REPS2: variants seen among roughly 807,000 people sequenced by gnomAD.
REPS2 encodes ralBP1-associated Eps domain-containing protein 2.
In REPS2, 23 loss-of-function variants were observed where a neutral mutation model predicts 53.6. The ratio of observed to expected loss-of-function variants is 0.43; its 90% CI spans 0.31 to 0.61. The LOEUF is 0.61. Among genes scored for constraint, REPS2 ranks in the 20% least tolerant of loss-of-function variants. The probability of loss-of-function intolerance (pLI) is 0.11; values close to 1 mark genes in which losing one functional copy is unlikely to be tolerated. For synonymous variants in REPS2, 238 were observed against 218.6 expected (o/e 1.09, Z -0.78); for missense variants, 446 against 534.9 (o/e 0.83, Z 1.64).
intron 1 of REPS2, among the ~76,000 whole-genome samples, chrX:16,994,928 T>C (rs1031248151): frequency 4.5e-5 from 5 of 112,092 alleles, no homozygotes; most frequent in Non-Finnish European, 9.4e-5. Flanking sequence ...ACTTTTAGCT[T>C]ATTTAGCTGA....
intron 13 of REPS2, among the ~76,000 whole-genome samples, chrX:17,103,408 G>A (rs753633313): frequency 1.8e-5 from 2 of 111,723 alleles, no homozygotes; most frequent in Non-Finnish European, 3.8e-5. Context: ...TGTTTGAAAC[G>A]AAATAACATT....
chrX:16,951,729 G>C (rs1451400173), intron 1 of REPS2, among the ~76,000 whole-genome samples: 1 of 111,195 alleles, frequency 9.0e-6, no homozygotes, highest in Non-Finnish European at 1.9e-5. Flanking sequence ...AAATAAATAA[G>C]TAAATAAATA....
chrX:17,034,146 T>C, intron 5 of REPS2, among the ~76,000 whole-genome samples: 1 of 111,699 alleles, frequency 9.0e-6, no homozygotes, highest in Middle Eastern at 4.2e-3. Context: ...GCCAGAGGGA[T>C]GGGCGTCTGA....
chrX:17,064,633 G>A (rs1342323924), intron 9 of REPS2, among the ~76,000 whole-genome samples: 1 of 112,134 alleles, frequency 8.9e-6, no homozygotes, highest in Non-Finnish European at 1.9e-5. Flanking sequence ...CAGCTTTATT[G>A]ATAGAGACTT....
the REPS2 span, among the ~76,000 whole-genome samples, chrX:17,168,375 A>T: frequency 9.0e-6 from 1 of 111,297 alleles, no homozygotes; most frequent in African/African-American, 3.3e-5. Context: ...TTAGCTGGGC[A>T]TGGTAGTGCA....
At chrX:17,130,332 G>A (rs557840350) in intron 14 of REPS2, among the ~76,000 whole-genome samples, 1 of 111,888 alleles carries the variant, frequency 8.9e-6, no homozygotes, top group Admixed American at 9.4e-5. Context: ...TGCTTCTCCT[G>A]TGTTTCCCAT....
intron 1 of REPS2, among the ~76,000 whole-genome samples, chrX:16,996,597 C>CA (rs2061237960): frequency 8.9e-6 from 1 of 111,899 alleles, no homozygotes; most frequent in South Asian, 3.7e-4. Flanking sequence ...ACAAAGAAAC[C>CA]AAATTAGTGA....
chrX:16,980,469 AT>A (rs1436824187), intron 1 of REPS2, among the ~76,000 whole-genome samples: 31 of 109,632 alleles, frequency 2.8e-4, no homozygotes, highest in African/African-American at 1.0e-3. Flanking sequence ...CGCCCAGCTA[AT>A]TTTTCTATTT....
At chrX:16,996,096 A>G (rs1385375442) in intron 1 of REPS2, among the ~76,000 whole-genome samples, 1 of 111,197 alleles carries the variant, frequency 9.0e-6, no homozygotes, top group Non-Finnish European at 1.9e-5. Flanking sequence ...AGGAATTTGG[A>G]TATCAGGGAA....
intron 2 of REPS2, 91 bp from the exon 3 acceptor site, chrX:17,022,032 A>G: frequency 1.2e-6 from 1 of 842,184 alleles, no homozygotes; most frequent in Admixed American, 3.1e-5. Context: ...TTTTTCCTCA[A>G]AAATGATTCA....
intron 5 of REPS2, among the ~76,000 whole-genome samples, chrX:17,033,361 C>G (rs189238120): frequency 8.9e-6 from 1 of 111,806 alleles, no homozygotes; most frequent in East Asian, 2.8e-4. Context: ...CTACTTCTCA[C>G]TCTACTTACT....
intron 13 of REPS2, among the ~76,000 whole-genome samples, chrX:17,096,503 C>CA (rs766916518): frequency 0.023 from 2,368 of 104,070 alleles, 81 homozygotes; most frequent in African/African-American, 0.08. Flanking sequence ...ACTAAAAATA[C>CA]AAAAAAATTA....
At chrX:16,963,050 G>A (rs1329983031) in intron 1 of REPS2, among the ~76,000 whole-genome samples, 1 of 111,600 alleles carries the variant, frequency 9.0e-6, no homozygotes, top group African/African-American at 3.3e-5. Context: ...AGTGACCTGC[G>A]ATTGCACCAC....
At chrX:17,189,913 TG>T in the REPS2 span, among the ~76,000 whole-genome samples, 3 of 112,199 alleles carry the variant, frequency 2.7e-5, no homozygotes, top group Non-Finnish European at 5.6e-5. Context: ...TGTCAAGCTA[TG>T]GCGGACAGGT....
At chrX:17,179,106 C>T in the REPS2 span, among the ~76,000 whole-genome samples, 1 of 111,520 alleles carries the variant, frequency 9.0e-6, no homozygotes, top group African/African-American at 3.3e-5. Context: ...CACTTACTAG[C>T]TCTGTGATCT....
chrX:16,998,979 TA>T (rs1311389257), intron 1 of REPS2, among the ~76,000 whole-genome samples: 2 of 112,572 alleles, frequency 1.8e-5, no homozygotes, highest in Admixed American at 9.4e-5. Flanking sequence ...CTAGGAATTT[TA>T]TTCTCAACTT....
chrX:16,965,072 A>G (rs1201172268), intron 1 of REPS2, among the ~76,000 whole-genome samples: 36 of 59,480 alleles, frequency 6.1e-4, no homozygotes, highest in African/African-American at 1.1e-3. Flanking sequence ...CAGATGGGGC[A>G]GCTGGCCGGG....
chrX:17,028,634 G>A (rs921601527), intron 4 of REPS2, among the ~76,000 whole-genome samples: 1 of 112,320 alleles, frequency 8.9e-6, no homozygotes, highest in Admixed American at 9.4e-5. Context: ...TGCTATTGTT[G>A]TACCTTCTTT....
intron 8 of REPS2, among the ~76,000 whole-genome samples, chrX:17,056,460 C>T (rs976811615): frequency 7.2e-4 from 80 of 111,631 alleles, no homozygotes; most frequent in Non-Finnish European, 9.2e-4. Context: ...GAGGCCGAGG[C>T]GGGCGGATCA....
Sources: gnomAD v4.1 joint callset for allele counts (sites outside exome capture counted in the v4.1 genomes callset) on GRCh38, gnomAD v4.1.1 for gene constraint, MANE v1.5 for transcripts, NCBI Gene and HGNC (gene_info 2026-07-23, HGNC 2026-07-21) for gene names.